The following RPSA2 variants were observed in gnomAD, a reference collection of about 807,000 sequenced individuals.
RPSA2 encodes ribosomal protein SA 2.
At chr19:23,847,271 A>T in the RPSA2 span, among the ~76,000 whole-genome samples, 1 of 146,364 alleles carries the variant, frequency 6.8e-6, no homozygotes, top group South Asian at 2.2e-4. Context: ...CTCTAAATTT[A>T]TTTATTTATT....
At chr19:23,827,646 C>T in the RPSA2 span, 443 of 1,595,998 alleles carry the variant, frequency 2.8e-4, no homozygotes, top group East Asian at 8.9e-3. Flanking sequence ...ATTGCCATCC[C>T]ATGCAACAAC....
At chr19:23,764,783 C>A in the RPSA2 span, among the ~76,000 whole-genome samples, 4 of 151,796 alleles carry the variant, frequency 2.6e-5, no homozygotes, top group Non-Finnish European at 5.9e-5. Flanking sequence ...AGAAAATAAT[C>A]CTCTGGAACT....
the RPSA2 span, among the ~76,000 whole-genome samples, chr19:23,786,638 G>A: frequency 6.6e-6 from 1 of 152,080 alleles, no homozygotes; most frequent in Non-Finnish European, 1.5e-5. Context: ...TGCGTGCAGG[G>A]GACCTTGTGA....
At chr19:23,845,106 A>T in the RPSA2 span, among the ~76,000 whole-genome samples, 1 of 4,464 alleles carries the variant, frequency 2.2e-4, no homozygotes, top group African/African-American at 4.1e-4. Flanking sequence ...TATCCATTGT[A>T]ATGTCTATTC....
the RPSA2 span, chr19:23,827,740 C>T: frequency 3.2e-6 from 5 of 1,575,182 alleles, no homozygotes; most frequent in East Asian, 8.9e-5. Context: ...CCCGTGAACA[C>T]CCATGGGAGG....
At chr19:23,846,331 A>G in the RPSA2 span, among the ~76,000 whole-genome samples, 1 of 152,088 alleles carries the variant, frequency 6.6e-6, no homozygotes, top group Non-Finnish European at 1.5e-5. Context: ...ATTAATATTA[A>G]GGCTTTGTTA....
chr19:23,869,551 G>A, the RPSA2 span, among the ~76,000 whole-genome samples: 3 of 152,060 alleles, frequency 2.0e-5, no homozygotes, highest in African/African-American at 7.3e-5. Flanking sequence ...GGGAACTAAA[G>A]GTCAACTAGA....
At chr19:23,867,202 C>A in the RPSA2 span, among the ~76,000 whole-genome samples, 2 of 152,290 alleles carry the variant, frequency 1.3e-5, no homozygotes, top group African/African-American at 4.8e-5. Context: ...TCAGTAATAT[C>A]CAGTAAGGAT....
the RPSA2 span, chr19:23,832,790 G>C: frequency 6.4e-7 from 1 of 1,572,222 alleles, no homozygotes; most frequent in Admixed American, 1.7e-5. Context: ...ATTCATACTG[G>C]AGAGAAACCC....
At chr19:23,820,174 G>A in the RPSA2 span, among the ~76,000 whole-genome samples, 14 of 152,168 alleles carry the variant, frequency 9.2e-5, no homozygotes, top group Admixed American at 7.9e-4. Context: ...GTCCTGGTGG[G>A]CCCCTGTATT....
chr19:23,788,910 G>A, the RPSA2 span, among the ~76,000 whole-genome samples: 1 of 151,608 alleles, frequency 6.6e-6, no homozygotes, highest in South Asian at 2.1e-4. Context: ...CCAGGTGTGT[G>A]TCTCACCTCT....
At chr19:23,806,433 G>A in the RPSA2 span, among the ~76,000 whole-genome samples, 1 of 151,990 alleles carries the variant, frequency 6.6e-6, no homozygotes, top group African/African-American at 2.4e-5. Flanking sequence ...GTTCTTAATG[G>A]CATTACACCA....
At chr19:23,792,591 G>GTTTTTT in the RPSA2 span, among the ~76,000 whole-genome samples, 2 of 144,240 alleles carry the variant, frequency 1.4e-5, no homozygotes, top group Non-Finnish European at 3.0e-5. Context: ...TTTTGTTTTT[G>GTTTTTT]TTTTTTTTTT....
At chr19:23,845,862 G>A in the RPSA2 span, among the ~76,000 whole-genome samples, 1 of 152,070 alleles carries the variant, frequency 6.6e-6, no homozygotes, top group African/African-American at 2.4e-5. Flanking sequence ...TAAATTTATA[G>A]TTTCTGAAAT....
At chr19:23,804,455 C>G in the RPSA2 span, among the ~76,000 whole-genome samples, 1 of 13,512 alleles carries the variant, frequency 7.4e-5, no homozygotes, top group African/African-American at 1.3e-4. Flanking sequence ...CGCCACCACA[C>G]CCGGCTAATT....
At chr19:23,849,996 A>G in the RPSA2 span, among the ~76,000 whole-genome samples, 1 of 152,140 alleles carries the variant, frequency 6.6e-6, no homozygotes, top group Non-Finnish European at 1.5e-5. Context: ...TCTCTCCGGA[A>G]GATAAGCAGC....
chr19:23,823,403 G>A, the RPSA2 span, among the ~76,000 whole-genome samples: 9 of 152,060 alleles, frequency 5.9e-5, no homozygotes, highest in African/African-American at 9.7e-5. Context: ...TCCATAAGCC[G>A]TATGTGGATT....
chr19:23,861,645 G>A, the RPSA2 span, among the ~76,000 whole-genome samples: 5 of 151,962 alleles, frequency 3.3e-5, no homozygotes, highest in South Asian at 2.1e-4. Context: ...ACAAATCCCC[G>A]TCAGTCAGTT....
the RPSA2 span, among the ~76,000 whole-genome samples, chr19:23,785,894 T>C: frequency 6.6e-6 from 1 of 152,172 alleles, no homozygotes; most frequent in Non-Finnish European, 1.5e-5. Flanking sequence ...AAATTACCAC[T>C]TTCTTGTATA....
Sources: allele counts gnomAD v4.1 joint callset (sites outside exome capture counted in the v4.1 genomes callset), GRCh38; gene constraint gnomAD v4.1.1; transcripts MANE v1.5; gene names NCBI Gene and HGNC (gene_info 2026-07-23, HGNC 2026-07-21).